The following CELF2 variants were observed in gnomAD, a reference collection of about 807,000 sequenced individuals.
CELF2 encodes CUG triplet repeat RNA-binding protein 2.
CELF2 carries 8 observed loss-of-function variants against 62.6 expected under a neutral mutation model. The ratio of observed to expected loss-of-function variants is 0.13; its 90% CI spans 0.07 to 0.23. CELF2 has a LOEUF of 0.23. Ranked by LOEUF, CELF2 falls within the 10% of genes least tolerant of loss-of-function variation. The pLI, the probability that CELF2 is intolerant of heterozygous loss-of-function variation, is 1.00. For synonymous variants in CELF2, 258 were observed against 250.0 expected, an observed-to-expected ratio of 1.03 and a Z score of -0.30; for missense variants, 333 against 671.0, an observed-to-expected ratio of 0.50 and a Z score of 5.56.
chr10:10,869,497 G>T (rs2060597162), intron 1 of CELF2, among the ~76,000 whole-genome samples: 2 of 152,012 alleles, frequency 1.3e-5, no homozygotes, highest in South Asian at 4.1e-4. Flanking sequence ...AGAAGGCAGA[G>T]GTTGCAGTGA....
the CELF2 span, among the ~76,000 whole-genome samples, chr10:10,506,854 G>A: frequency 6.6e-6 from 1 of 151,580 alleles, no homozygotes; most frequent in South Asian, 2.1e-4. Context: ...CAGTAAAGAC[G>A]GGGATTCCCC....
At chr10:10,831,700 G>A (rs2057870275) in intron 1 of CELF2, among the ~76,000 whole-genome samples, 1 of 152,238 alleles carries the variant, frequency 6.6e-6, no homozygotes, top group South Asian at 2.1e-4. Flanking sequence ...GGCTGGGCAA[G>A]GTGGCTCATG....
chr10:10,871,435 G>A (rs1002475437), intron 1 of CELF2, among the ~76,000 whole-genome samples: 4 of 152,184 alleles, frequency 2.6e-5, no homozygotes, highest in African/African-American at 9.7e-5. Context: ...GACGTCTGGA[G>A]TTGTTTTACA....
At position 10,899,072 on chromosome 10, in the gene CELF2, C is replaced by G. The variant is rs139487833; in HGVS notation, c.54-20892C>G. ...GAAATACAGCACATCCAAAGAATGCCCCTAAAGCAGTATTGTGGGGGATCT... is the reference window on the plus strand; with the variant it reads ...GAAATACAGCACATCCAAAGAATGCGCCTAAAGCAGTATTGTGGGGGATCT... On this transcript the variant is annotated intron_variant, in intron 1 of 13. Coordinates refer to the CELF2 transcript ENST00000636488. Among the ~76,000 whole-genome samples the G allele has an allele frequency of 2.0e-3, 305 of 152,174 alleles. 1 individual carries two copies. The highest frequency in any genetic ancestry group is 7.0e-3 in the African/African-American group (292 of 41,520).
intron 1 of CELF2, among the ~76,000 whole-genome samples, chr10:11,063,449 A>T (rs1232191259): frequency 6.6e-6 from 1 of 152,258 alleles, no homozygotes. Flanking sequence ...AATTTTAATT[A>T]CCAATTTTTA....
intron 4 of CELF2, among the ~76,000 whole-genome samples, chr10:11,256,578 T>G (rs568349935): frequency 1.3e-5 from 2 of 151,294 alleles, no homozygotes; most frequent in East Asian, 3.9e-4. Flanking sequence ...AGCTTCTTTT[T>G]TTTTTTTTTT....
intron 2 of CELF2, among the ~76,000 whole-genome samples, chr10:10,973,184 G>C (rs1421464780): frequency 6.6e-6 from 1 of 152,028 alleles, no homozygotes; most frequent in Non-Finnish European, 1.5e-5. Flanking sequence ...GGGAGGCTGA[G>C]GCAGGAGGAT....
At chr10:11,257,250 A>T (rs960888114) in intron 4 of CELF2, among the ~76,000 whole-genome samples, 1 of 147,136 alleles carries the variant, frequency 6.8e-6, no homozygotes, top group Non-Finnish European at 1.5e-5. Flanking sequence ...GAAAAGTTTC[A>T]TTCGCTGTTT....
the CELF2 span, among the ~76,000 whole-genome samples, chr10:10,726,726 C>T: frequency 1.4e-4 from 21 of 152,172 alleles, no homozygotes; most frequent in African/African-American, 4.8e-4. Context: ...TAAGCACCTA[C>T]CTCAAACAAT....
At chr10:11,192,711 C>T (rs1292886736) in intron 2 of CELF2, among the ~76,000 whole-genome samples, 1 of 152,186 alleles carries the variant, frequency 6.6e-6, no homozygotes, top group Non-Finnish European at 1.5e-5. Context: ...TTCTTTTCAC[C>T]GAGTTCACAT....
At chr10:10,861,905 A>C (rs1271417683) in intron 1 of CELF2, among the ~76,000 whole-genome samples, 4 of 152,324 alleles carry the variant, frequency 2.6e-5, no homozygotes, top group Non-Finnish European at 5.9e-5. Context: ...TCTTTTAAAA[A>C]CAATAGGTCT....
intron 1 of CELF2, among the ~76,000 whole-genome samples, chr10:10,877,655 A>G (rs1360088199): frequency 6.6e-6 from 1 of 152,222 alleles, no homozygotes; most frequent in Non-Finnish European, 1.5e-5. Context: ...TCACAATTGA[A>G]TGGATGGAAG....
In CELF2 at chr10:11,318,531, TGTA is replaced by T. The variant is rs2095217813; in HGVS notation, c.1097-2655_1097-2653del. 5.6e-6 allele frequency: 2 copies of T among 358,432 alleles called. No individual in the cohort carries two copies. The highest frequency in any genetic ancestry group is 3.8e-5 in the Admixed American group (1 of 26,168). 22.2% of individuals were successfully genotyped at this position (358,432 alleles called of 1,614,324 possible). ...TCCAGAAAGCAGATTAGCTCTGAGG[TGTA>T]GTCCAGAGACACAGCCAGCCTCTGT... On this transcript the variant is annotated intron_variant, in intron 10 of 12. Coordinates refer to ENST00000633077, the MANE Select transcript of CELF2 (RefSeq NM_001326342.2). This position sits in a 1 kb window ranked among gnomAD's most constrained non-coding sequence, Gnocchi z 5.4.
rs1554884960 is a variant in CELF2 at position 10,927,354 on chromosome 10, A to ACAAACAAC, written c.89+7355_89+7356insCAAACAAC. The ACAAACAAC allele has an allele frequency of 1.9e-4, 28 of 148,336 alleles. 1 individual carries two copies. Among genetic ancestry groups the ACAAACAAC allele is most frequent in the African/African-American group, 7.0e-4 (27 of 38,822 alleles). 9.2% of individuals were successfully genotyped at this position (148,336 alleles called of 1,614,324 possible). The stretch of plus-strand genomic sequence containing the variant: ...GGAGAACCTAGTGACATTAAAAAAA[A>ACAAACAAC]AAAAAAAAAAAACACCTTTTTCTGT... On this transcript the variant is annotated intron_variant, in intron 2 of 13. Coordinates refer to the CELF2 transcript ENST00000636488.
At position 11,331,276 on chromosome 10, in the gene CELF2, T is replaced by TTAA. The variant is rs1381040033; in HGVS notation, c.*2226_*2228dup. Reference sequence around the variant, plus strand: ...TAAGACAAGTTTAGAATTGGTTTACTTAATACAAAAAAAAAAAAAAGAATT... The same window carrying TTAA: ...TAAGACAAGTTTAGAATTGGTTTACTTAATAATACAAAAAAAAAAAAAAGAATT... On this transcript the variant is annotated 3_prime_UTR_variant, in exon 13 of 13. Coordinates refer to ENST00000633077, the MANE Select transcript of CELF2 (RefSeq NM_001326342.2). The TTAA allele has an allele frequency of 1.3e-5, 2 of 148,184 alleles. No homozygotes were observed. Among genetic ancestry groups the TTAA allele is most frequent in the East Asian group, 3.9e-4 (2 of 5,084 alleles). 9.2% of individuals were successfully genotyped at this position (148,184 alleles called of 1,614,324 possible). A position where few individuals can be genotyped will look rare whatever the true frequency, so the allele number is the denominator to read the frequency against.
chr10:10,487,169 T>A, the CELF2 span, among the ~76,000 whole-genome samples: 2 of 152,220 alleles, frequency 1.3e-5, no homozygotes, highest in South Asian at 4.1e-4. Context: ...TCTTCTTTTG[T>A]CCTTTCAAGA....
At chr10:10,780,540 G>A in the CELF2 span, among the ~76,000 whole-genome samples, 4 of 152,078 alleles carry the variant, frequency 2.6e-5, no homozygotes, top group Non-Finnish European at 5.9e-5. Context: ...GAGTGCAGTG[G>A]CACTATCTCA....
chr10:10,883,218 A>G (rs149935398), intron 1 of CELF2, among the ~76,000 whole-genome samples: 1 of 152,326 alleles, frequency 6.6e-6, no homozygotes, highest in East Asian at 1.9e-4. Flanking sequence ...CACTTTGACT[A>G]GAGGAGCAAA....
intron 3 of CELF2, among the ~76,000 whole-genome samples, chr10:11,238,821 A>G (rs2072606658): frequency 6.6e-6 from 1 of 152,170 alleles, no homozygotes; most frequent in South Asian, 2.1e-4. Context: ...CATAGCTGTT[A>G]TTTTTCATTC....
Sources: allele counts gnomAD v4.1 joint callset (sites outside exome capture counted in the v4.1 genomes callset), GRCh38; gene constraint gnomAD v4.1.1; non-coding constraint Gnocchi (gnomAD v3.1); transcripts MANE v1.5; gene names NCBI Gene and HGNC (gene_info 2026-07-23, HGNC 2026-07-21).